PATL2: variants seen among roughly 807,000 people sequenced by gnomAD.
PATL2 encodes the protein protein PAT1 homolog 2.
PATL2 carries 73 observed loss-of-function variants against 77.0 expected under a neutral mutation model. The ratio of observed to expected loss-of-function variants is 0.95; its 90% confidence interval spans 0.78 to 1.15. The LOEUF (loss-of-function observed/expected upper bound fraction) is 1.15, where lower values mean the gene tolerates loss of function less well. PATL2 is among the 50% of genes most tolerant of loss of function. The pLI is 0.00. For synonymous variants in PATL2, 265 were observed against 257.1 expected (o/e 1.03, Z -0.29); for missense variants, 618 against 655.4 (o/e 0.94, Z 0.62).
At chr15:44,704,561 A>G (rs1406041507) in intron 3 of PATL2, among the ~76,000 whole-genome samples, 1 of 152,238 alleles carries the variant, frequency 6.6e-6, no homozygotes, top group East Asian at 1.9e-4. Context: ...TGTACTGTCT[A>G]TGTCTTGAAA....
intron 5 of PATL2, chr15:44,674,433 C>T (rs916247081): frequency 1.8e-6 from 1 of 563,770 alleles, no homozygotes; most frequent in Non-Finnish European, 3.2e-6. Flanking sequence ...AAGACTAGTG[C>T]AGTGGTCCTC....
chr15:44,673,255 G>C lies in PATL2; in HGVS notation c.426C>G (p.Thr142=), dbSNP rs2085779550. Reference sequence around the variant, plus strand: ...AGTACCTGAACCTAGGGGGCCACGAGGTCAGCAGGCTGCAGAAGAGAGTTG... The same window carrying C: ...AGTACCTGAACCTAGGGGGCCACGACGTCAGCAGGCTGCAGAAGAGAGTTG... ...PDPTLFCSLL[T]SWPPRFSHLT... is the part of the protein sequence containing the mutation. Residue 142 remains threonine, a synonymous_variant, in exon 7 of 18, where the codon ACC becomes ACG. Transcript: ENST00000682850. 4 of 1,551,488 alleles carry C rather than the reference G, an allele frequency of 2.6e-6. No homozygotes were observed. Among genetic ancestry groups the C allele is most frequent in the Non-Finnish European group, 3.5e-6 (4 of 1,146,986 alleles).
chr15:44,672,061 A>C lies in PATL2; in HGVS notation c.611T>G (p.Val204Gly). The change falls in exon 9 of 18, where the codon GTG becomes GGG. Residue 204 changes from valine (V) to glycine (G), a missense_variant. Val to Gly is a moderately radical substitution (Grantham distance 109, BLOSUM62 -3). Coordinates refer to ENST00000682850, the MANE Select transcript of PATL2 (RefSeq NM_001387263.1). ...EKDWVIKVQM[V>G]QLQSAKPRLD... ...GCGGGGTTTTGCACTCTGCAGCTGC[A>C]CCATCTGCACTTTTATCACCCAGTC... 6.4e-7 allele frequency: 1 copy of C among 1,551,686 alleles called. No individual in the cohort carries two copies. Among genetic ancestry groups the C allele is most frequent in the Non-Finnish European group, 8.7e-7 (1 of 1,146,974 alleles).
intron 3 of PATL2, among the ~76,000 whole-genome samples, chr15:44,706,418 T>A (rs1395856147): frequency 6.6e-6 from 1 of 152,226 alleles, no homozygotes; most frequent in East Asian, 1.9e-4. Flanking sequence ...CAGTCTGTTG[T>A]ATCTTTTTTG....
In PATL2 at chr15:44,665,787, C is replaced by T; in HGVS notation, c.*166G>A. On this transcript the variant is annotated 3_prime_UTR_variant, in exon 18 of 18. Transcript: ENST00000682850. ...TTATGCCATGTCTTATTTTTAGGCA[C>T]ATCATTTAGATTTTTGAAGAAAGGA... is the stretch of plus-strand genomic sequence containing the variant. The T allele has an allele frequency of 6.6e-7, 1 of 1,504,202 alleles. No homozygotes were observed. Among genetic ancestry groups the T allele is most frequent in the African/African-American group, 1.4e-5 (1 of 70,826 alleles). The allele number at this position is 1,504,202 out of a possible 1,614,324, so 93.2% of individuals were successfully genotyped here. A position where few individuals can be genotyped will look rare whatever the true frequency, so the allele number is the denominator to read the frequency against.
chr15:44,669,477 T>C lies in PATL2; in HGVS notation c.930+33A>G, dbSNP rs146230460. ...TAATATCTCATTCTCAAAGGTAGGT[T>C]TGGAACTCGTCCCTAAGGAACTGAT... On this transcript the variant is annotated intron_variant, in intron 12 of 17. Coordinates refer to ENST00000682850, the MANE Select transcript of PATL2 (RefSeq NM_001387263.1). 407 of 1,550,242 alleles carry C rather than the reference T, an allele frequency of 2.6e-4. 3 individuals are homozygous for C. The East Asian group carries it at 9.0e-3, about 34-fold the overall frequency.
At chr15:44,675,858 A>C in intron 4 of PATL2, 167 bp from the exon 5 acceptor site, 1 of 625,468 alleles carries the variant, frequency 1.6e-6, no homozygotes, top group South Asian at 2.1e-5. Flanking sequence ...CCCTTCTCCC[A>C]AGGTGCCCCG....
chr15:44,708,354 A>G (rs1269388502), intron 3 of PATL2, among the ~76,000 whole-genome samples: 1 of 152,186 alleles, frequency 6.6e-6, no homozygotes, highest in Non-Finnish European at 1.5e-5. Context: ...TTTATAATCG[A>G]CATACAATAT....
At chr15:44,681,210 C>T (rs539804036) in intron 3 of PATL2, among the ~76,000 whole-genome samples, 12 of 152,154 alleles carry the variant, frequency 7.9e-5, no homozygotes, top group African/African-American at 2.2e-4. Context: ...ATAGAGATGG[C>T]GTCTCGCTTT....
In PATL2 at chr15:44,697,730, G is replaced by A. The variant is rs530009957; in HGVS notation, c.-76+12366C>T. On this transcript the variant is annotated intron_variant, in intron 3 of 17. Coordinates refer to ENST00000682850, the MANE Select transcript of PATL2 (RefSeq NM_001387263.1). Reference sequence around the variant, plus strand: ...AAAGTGCCAAGAGTTATTTTCTAGCGGAAAGATTGAGGCCTTTGGAATCCA... The same window carrying A: ...AAAGTGCCAAGAGTTATTTTCTAGCAGAAAGATTGAGGCCTTTGGAATCCA... Among the ~76,000 whole-genome samples the A allele has an allele frequency of 5.9e-5, 9 of 152,054 alleles. No homozygotes were observed. The South Asian group carries it at 6.2e-4, about 11-fold the overall frequency.
chr15:44,680,545 T>C (rs2086111224), intron 3 of PATL2, among the ~76,000 whole-genome samples: 1 of 152,160 alleles, frequency 6.6e-6, no homozygotes, highest in Non-Finnish European at 1.5e-5. Flanking sequence ...ACTCTCTTCC[T>C]GGATGCTTGG....
intron 3 of PATL2, chr15:44,676,813 C>T (rs947417651): frequency 1.8e-5 from 21 of 1,157,000 alleles, no homozygotes; most frequent in South Asian, 8.2e-5. Flanking sequence ...ACTTCCCAAC[C>T]GACATCACCA....
intron 3 of PATL2, among the ~76,000 whole-genome samples, chr15:44,703,128 T>C (rs1273702562): frequency 6.6e-6 from 1 of 152,002 alleles, no homozygotes; most frequent in East Asian, 1.9e-4. Flanking sequence ...ACAAAAAAAT[T>C]AGCTGGGCAT....
At chr15:44,704,247 C>T (rs963051158) in intron 3 of PATL2, among the ~76,000 whole-genome samples, 2 of 150,508 alleles carry the variant, frequency 1.3e-5, no homozygotes, top group African/African-American at 5.0e-5. Context: ...AACTCCTGAG[C>T]TCAAGCCAAA....
chr15:44,705,811 G>GTTTTT (rs371254036), intron 3 of PATL2, among the ~76,000 whole-genome samples: 1 of 135,394 alleles, frequency 7.4e-6, no homozygotes, highest in African/African-American at 3.0e-5. Context: ...TCAAAACATT[G>GTTTTT]TTTTTTTTTA....
intron 5 of PATL2, 25 bp downstream of exon 5, chr15:44,675,461 C>T (rs1210044773): frequency 1.3e-6 from 2 of 1,545,498 alleles, no homozygotes; most frequent in South Asian, 2.4e-5. Context: ...GGACAACCCT[C>T]TCCCATTCCC....
chr15:44,673,208 C>T (rs1190901772), intron 7 of PATL2, 27 bp downstream of exon 7: 1 of 1,550,046 alleles, frequency 6.5e-7, no homozygotes. Flanking sequence ...CCTCCTGAGA[C>T]CTCTGGGGAG....
chr15:44,667,111 T>A lies in PATL2; in HGVS notation c.1458A>T (p.Thr486=). The change falls in exon 16 of 18, where the codon ACA becomes ACT. Residue 486 remains threonine, a synonymous_variant. Transcript: ENST00000682850. The part of the protein sequence containing the change: ...SSLEEPNSDH[T]AWTDMVVLIA... ...CAAGGCCTTTATGATCTTACCAAGC[T>A]GTATGGTCACTGTTGGGTTCCTCTA... 1 of 1,550,694 alleles carries A rather than the reference T, an allele frequency of 6.4e-7. No individual in the cohort carries two copies. Among genetic ancestry groups the A allele is most frequent in the Non-Finnish European group, 8.7e-7 (1 of 1,146,094 alleles).
At chr15:44,709,455 G>A (rs1429294194) in intron 3 of PATL2, among the ~76,000 whole-genome samples, 1 of 152,030 alleles carries the variant, frequency 6.6e-6, no homozygotes, top group Non-Finnish European at 1.5e-5. Context: ...GCTGGGGAAG[G>A]AGGATCACTT....
Sources: allele counts gnomAD v4.1 joint callset (sites outside exome capture counted in the v4.1 genomes callset), GRCh38; gene constraint gnomAD v4.1.1; transcripts MANE v1.5; gene names NCBI Gene and HGNC (gene_info 2026-07-23, HGNC 2026-07-21).